DPP4: variants seen among roughly 807,000 people sequenced by gnomAD.
The protein encoded by DPP4 is ADCP-2.
In DPP4, 93 loss-of-function variants were observed where a neutral mutation model predicts 122.4. That is an observed-to-expected ratio of 0.76 (90% CI 0.64 to 0.90). The LOEUF (loss-of-function observed/expected upper bound fraction) is 0.90, where lower values mean the gene tolerates loss of function less well. Ranked by LOEUF, DPP4 falls within the 40% of genes least tolerant of loss-of-function variation. The pLI, the probability that DPP4 is intolerant of heterozygous loss-of-function variation, is 0.00. For synonymous variants in DPP4, 321 were observed against 302.9 expected, an observed-to-expected ratio of 1.06 and a Z score of -0.62; for missense variants, 914 against 907.3, an observed-to-expected ratio of 1.01 and a Z score of -0.09.
chr2:162,003,337 C>A lies in DPP4; in HGVS notation c.2052+2408G>T, dbSNP rs192014007. Among the ~76,000 whole-genome samples the A allele has an allele frequency of 3.1e-3, 464 of 151,978 alleles. 1 individual carries two copies. The highest frequency in any genetic ancestry group is 0.011 in the African/African-American group (444 of 41,454). On this transcript the variant is annotated intron_variant, in intron 23 of 25. Transcript: ENST00000360534. Reference sequence around the variant, plus strand: ...GGGGGAACTCGGTGGGAACGAGGAGCCTATAGGAAAGACTGGAAATTTATG... The same window carrying A: ...GGGGGAACTCGGTGGGAACGAGGAGACTATAGGAAAGACTGGAAATTTATG...
rs369974075 is a variant in DPP4 at position 162,024,762 on chromosome 2, C to A, written c.1023+42G>T. 5 of 1,602,302 alleles carry A rather than the reference C, an allele frequency of 3.1e-6. No individual in the cohort carries two copies. The African/African-American group carries it at 6.7e-5, about 21-fold the overall frequency. ...TCCCCAACTGCACAGACCCTCTGAT[C>A]ACATGTTGCTCTAGAAGCAGAACAT... On this transcript the variant is annotated intron_variant, in intron 11 of 25. Coordinates refer to ENST00000360534, the MANE Select transcript of DPP4 (RefSeq NM_001935.4).
At chr2:162,006,029 T>C (rs1701275690) in intron 22 of DPP4, among the ~76,000 whole-genome samples, 1 of 152,168 alleles carries the variant, frequency 6.6e-6, no homozygotes. Context: ...TAGCCAGAGA[T>C]GCTAATTCCC....
chr2:162,021,525 CT>C (rs1190999917), intron 12 of DPP4: 1 of 152,190 alleles, frequency 6.6e-6, no homozygotes, highest in Non-Finnish European at 1.5e-5. Flanking sequence ...TGTTTCCTCT[CT>C]CATCAGCTCC....
At position 162,017,169 on chromosome 2, in the gene DPP4, G is replaced by T; in HGVS notation, c.1421-14C>A. The stretch of plus-strand genomic sequence containing the variant: ...GCAGACCAGGACCTGTTAACACAAT[G>T]GGGGAAAAATGTTTTGGATGAATAC... On this transcript the variant is annotated splice_polypyrimidine_tract_variant and intron_variant, in intron 16 of 25. Transcript: ENST00000360534. 6.2e-7 allele frequency: 1 copy of T among 1,608,786 alleles called. No homozygotes were observed. Among genetic ancestry groups the T allele is most frequent in the Non-Finnish European group, 8.5e-7 (1 of 1,178,140 alleles).
chr2:162,008,897 C>G (rs1484036205), intron 21 of DPP4, among the ~76,000 whole-genome samples: 3 of 152,064 alleles, frequency 2.0e-5, no homozygotes, highest in African/African-American at 4.8e-5. Flanking sequence ...AATTTGCTGA[C>G]CCTAGTGACT....
intron 10 of DPP4, among the ~76,000 whole-genome samples, chr2:162,030,658 TC>T (rs1180990070): frequency 2.6e-5 from 4 of 152,240 alleles, no homozygotes; most frequent in African/African-American, 9.6e-5. Flanking sequence ...AGAGCATTTT[TC>T]CCAGAGAGCA....
chr2:162,009,229 T>C lies in DPP4; in HGVS notation c.1887+12A>G, dbSNP rs199791471. The C allele has an allele frequency of 1.2e-5, 20 of 1,613,438 alleles. 1 individual carries two copies. In the Admixed American group the frequency reaches 2.3e-4, roughly 19 times the overall value. On this transcript the variant is annotated intron_variant, in intron 21 of 25. Coordinates refer to ENST00000360534, the MANE Select transcript of DPP4 (RefSeq NM_001935.4). ...TAACGAATGCATACAGATTCATCAG[T>C]CAACTACTCACCCAGCCCCAAATTG...
In DPP4 at chr2:162,050,704, G is replaced by C. The variant is rs537808366; in HGVS notation, c.95-3203C>G. 5.3e-5 allele frequency among the ~76,000 whole-genome samples: 8 copies of C among 152,342 alleles called. No individual in the cohort carries two copies. In the East Asian group the frequency reaches 1.5e-3, roughly 29 times the overall value. ...TGTTTTTAGCCTTGCCATTTGATAA[G>C]CAGGGCACATTGGAAGACGGTTTTG... On this transcript the variant is annotated intron_variant, in intron 2 of 25. Transcript: ENST00000360534.
rs991661719 is a variant in DPP4 at position 162,008,659 on chromosome 2, T to C, written c.1890A>G (p.Ser630=). ...CCATTGAGGTTACGTACCCTCCATATGACTAAGGAATGGAAACAGTTATTT... is the reference window on the plus strand; with the variant it reads ...CCATTGAGGTTACGTACCCTCCATACGACTAAGGAATGGAAACAGTTATTT... The part of the protein sequence containing the change: ...DNKRIAIWGW[S]YGGYVTSMVL... The change falls in exon 22 of 26, where the codon TCA becomes TCG. Residue 630 remains serine, a splice_region_variant and synonymous_variant. Transcript: ENST00000360534. The C allele has an allele frequency of 3.7e-6, 6 of 1,612,968 alleles. No homozygotes were observed. Among genetic ancestry groups the C allele is most frequent in the Non-Finnish European group, 5.1e-6 (6 of 1,179,118 alleles).
intron 2 of DPP4, among the ~76,000 whole-genome samples, chr2:162,052,411 G>T (rs565396284): frequency 6.6e-6 from 1 of 151,960 alleles, no homozygotes; most frequent in Non-Finnish European, 1.5e-5. Flanking sequence ...ACCATGTGGG[G>T]ATGCTGCCTG....
intron 8 of DPP4, 119 bp downstream of exon 8, chr2:162,038,180 TGAC>T: frequency 1.0e-6 from 1 of 954,948 alleles, no homozygotes. Context: ...AGAAATCTGA[TGAC>T]ATTTTAAACA....
intron 13 of DPP4, 103 bp downstream of exon 13, chr2:162,020,478 T>A (rs1358343443): frequency 9.4e-7 from 1 of 1,065,182 alleles, no homozygotes; most frequent in Admixed American, 2.8e-5. Context: ...TTAATCTGAT[T>A]TTTATACACA....
chr2:162,015,687 C>A (rs940646696), intron 18 of DPP4, among the ~76,000 whole-genome samples: 26 of 152,132 alleles, frequency 1.7e-4, no homozygotes, highest in African/African-American at 6.0e-4. Flanking sequence ...ACCTCCCCAT[C>A]CCCACAGCTC....
intron 7 of DPP4, 37 bp downstream of exon 7, chr2:162,038,912 G>A (rs1462419003): frequency 6.3e-7 from 1 of 1,588,848 alleles, no homozygotes; most frequent in East Asian, 2.2e-5. Context: ...AAAAATTTGA[G>A]CCTATATTTT....
chr2:162,038,516 A>G, intron 7 of DPP4, 94 bp from the exon 8 acceptor site: 2 of 1,303,848 alleles, frequency 1.5e-6, no homozygotes, highest in Non-Finnish European at 2.1e-6. Flanking sequence ...AAATGTAAGG[A>G]TTACCATAGT....
intron 10 of DPP4, among the ~76,000 whole-genome samples, chr2:162,026,390 C>T (rs1311845057): frequency 6.6e-6 from 1 of 152,174 alleles, no homozygotes; most frequent in Non-Finnish European, 1.5e-5. Context: ...ATTGGGGTCC[C>T]TTTTCACTTC....
intron 8 of DPP4, among the ~76,000 whole-genome samples, chr2:162,036,233 T>C (rs1015541422): frequency 1.3e-5 from 2 of 152,208 alleles, no homozygotes; most frequent in Non-Finnish European, 2.9e-5. Context: ...AATCTTAGGG[T>C]TGGGAAATCA....
At chr2:162,049,667 A>G (rs891453856) in intron 2 of DPP4, among the ~76,000 whole-genome samples, 1 of 152,176 alleles carries the variant, frequency 6.6e-6, no homozygotes, top group Non-Finnish European at 1.5e-5. Flanking sequence ...AAAAAAACAG[A>G]TAAGAAGACT....
At position 162,019,140 on chromosome 2, in the gene DPP4, G is replaced by A. The variant is rs923651595; in HGVS notation, c.1298+83C>T. ...GCAATACCAGTTTAATATTAGTTAG[G>A]ACAAGGCAAAAAATAAAAATAGAGT... On this transcript the variant is annotated intron_variant, in intron 15 of 25. Coordinates refer to ENST00000360534, the MANE Select transcript of DPP4 (RefSeq NM_001935.4). 16 of 1,285,214 alleles carry A rather than the reference G, an allele frequency of 1.2e-5. No individual in the cohort carries two copies. In the East Asian group the frequency reaches 3.8e-4, roughly 30 times the overall value. The allele number at this position is 1,285,214 out of a possible 1,614,324, so 79.6% of individuals were successfully genotyped here.
Sources: allele counts gnomAD v4.1 joint callset (sites outside exome capture counted in the v4.1 genomes callset), GRCh38; gene constraint gnomAD v4.1.1; transcripts MANE v1.5; gene names NCBI Gene and HGNC (gene_info 2026-07-23, HGNC 2026-07-21).